Variants in COL23A1 observed in about 807,000 individuals in gnomAD.
The protein encoded by COL23A1 is collagen alpha-1(XXIII) chain.
In COL23A1, 97 loss-of-function variants were observed where a neutral mutation model predicts 99.3. The observed-to-expected ratio is 0.98, with a 90% CI of 0.83 to 1.16. The LOEUF (loss-of-function observed/expected upper bound fraction) is 1.16. Among genes scored for constraint, COL23A1 ranks in the 50% most tolerant of loss-of-function variants. The pLI is 0.00. For missense variants in COL23A1, 762 were observed against 757.4 expected, an observed-to-expected ratio of 1.01 and a Z score of -0.07; for synonymous variants, 320 against 308.2, an observed-to-expected ratio of 1.04 and a Z score of -0.40.
chr5:178,400,372 A>AG (rs1451836888), intron 2 of COL23A1, among the ~76,000 whole-genome samples: 2 of 151,032 alleles, frequency 1.3e-5, no homozygotes, highest in African/African-American at 4.9e-5. Flanking sequence ...GTCTCAAAAA[A>AG]AAAAAAAAAA....
chr5:178,412,334 T>C (rs1274465393), intron 2 of COL23A1, among the ~76,000 whole-genome samples: 1 of 152,226 alleles, frequency 6.6e-6, no homozygotes, highest in East Asian at 1.9e-4. Context: ...CTGTTAATTG[T>C]GGCTACTTTC....
intron 2 of COL23A1, among the ~76,000 whole-genome samples, chr5:178,445,453 T>C (rs1357546400): frequency 6.6e-6 from 1 of 152,198 alleles, no homozygotes; most frequent in Non-Finnish European, 1.5e-5. Flanking sequence ...CATTTGTACA[T>C]GTTTATTCTC....
intron 7 of COL23A1, 28 bp downstream of exon 7, chr5:178,268,702 C>G: frequency 6.3e-7 from 1 of 1,597,986 alleles, no homozygotes; most frequent in Non-Finnish European, 8.6e-7. Context: ...CTGCCTACCA[C>G]ATCTGCACAG....
intron 2 of COL23A1, among the ~76,000 whole-genome samples, chr5:178,311,767 G>C (rs1179494908): frequency 6.9e-6 from 1 of 144,950 alleles, no homozygotes; most frequent in African/African-American, 2.6e-5. Flanking sequence ...GTCTCACTCT[G>C]TTGCCCAGGC....
At chr5:178,587,089 G>A (rs1272027350) in intron 1 of COL23A1, among the ~76,000 whole-genome samples, 1 of 152,168 alleles carries the variant, frequency 6.6e-6, no homozygotes, top group Non-Finnish European at 1.5e-5. Context: ...TGAAAGCCAT[G>A]TATTCTAAAG....
intron 14 of COL23A1, 52 bp downstream of exon 14, chr5:178,256,814 T>A: frequency 1.3e-6 from 2 of 1,553,864 alleles, no homozygotes; most frequent in Non-Finnish European, 1.8e-6. Context: ...CCCGACTGGG[T>A]GGAGGTCTGA....
At chr5:178,261,993 T>A (rs555143708) in intron 10 of COL23A1, among the ~76,000 whole-genome samples, 1 of 152,338 alleles carries the variant, frequency 6.6e-6, no homozygotes, top group East Asian at 1.9e-4. Context: ...GTGGAGCTAC[T>A]GGAATCCCCC....
At chr5:178,374,444 C>T (rs897618394) in intron 2 of COL23A1, among the ~76,000 whole-genome samples, 1 of 152,190 alleles carries the variant, frequency 6.6e-6, no homozygotes, top group African/African-American at 2.4e-5. Flanking sequence ...CGTGGCTGTG[C>T]CCCCCACGCC....
intron 2 of COL23A1, among the ~76,000 whole-genome samples, chr5:178,539,909 A>G (rs1761197422): frequency 6.6e-6 from 1 of 152,238 alleles, no homozygotes; most frequent in African/African-American, 2.4e-5. Context: ...AAAATAATAT[A>G]TCCCATCCAA....
intron 1 of COL23A1, among the ~76,000 whole-genome samples, chr5:178,565,151 C>G (rs369690562): frequency 6.6e-6 from 1 of 152,202 alleles, no homozygotes; most frequent in Non-Finnish European, 1.5e-5. Context: ...CATGGGGGAA[C>G]AGCAACTAAC....
At chr5:178,518,042 G>A (rs1759657008) in intron 2 of COL23A1, among the ~76,000 whole-genome samples, 1 of 129,394 alleles carries the variant, frequency 7.7e-6, no homozygotes, top group Admixed American at 7.4e-5. Context: ...AGGACCCTGC[G>A]GCCTTCCGCA....
At chr5:178,510,472 C>T (rs183203764) in intron 2 of COL23A1, among the ~76,000 whole-genome samples, 3 of 152,204 alleles carry the variant, frequency 2.0e-5, no homozygotes, top group East Asian at 1.9e-4. Flanking sequence ...AACCAGGAGG[C>T]GGAGGTTGCA....
At chr5:178,414,376 G>A (rs1206754139) in intron 2 of COL23A1, among the ~76,000 whole-genome samples, 2 of 151,620 alleles carry the variant, frequency 1.3e-5, no homozygotes, top group East Asian at 3.9e-4. Context: ...GGAGAGTGCC[G>A]TGGCTCTGGC....
intron 2 of COL23A1, among the ~76,000 whole-genome samples, chr5:178,363,654 G>A (rs760073317): frequency 1.3e-5 from 2 of 152,086 alleles, no homozygotes; most frequent in African/African-American, 2.4e-5. Flanking sequence ...CCACAGGAGC[G>A]CCCCGTCACT....
chr5:178,288,620 G>A (rs1561829285), intron 4 of COL23A1: 10 of 583,950 alleles, frequency 1.7e-5, no homozygotes, highest in East Asian at 2.9e-5. Context: ...ACGCTGGCCA[G>A]GCATAGGGTA....
At chr5:178,467,138 G>A (rs1220348222) in intron 2 of COL23A1, among the ~76,000 whole-genome samples, 2 of 152,218 alleles carry the variant, frequency 1.3e-5, no homozygotes, top group Non-Finnish European at 2.9e-5. Context: ...CTGAGCTGGG[G>A]TCCTTCTTTT....
chr5:178,362,720 A>G (rs1287888666), intron 2 of COL23A1, among the ~76,000 whole-genome samples: 1 of 152,186 alleles, frequency 6.6e-6, no homozygotes, highest in Admixed American at 6.5e-5. Flanking sequence ...TGCAGCTGCA[A>G]GAAAGGAGTA....
intron 2 of COL23A1, among the ~76,000 whole-genome samples, chr5:178,372,048 CAG>C (rs1401957130): frequency 1.3e-5 from 2 of 152,232 alleles, no homozygotes; most frequent in Non-Finnish European, 2.9e-5. Flanking sequence ...GTCTGGTCTG[CAG>C]AGTGTTTTAA....
intron 2 of COL23A1, among the ~76,000 whole-genome samples, chr5:178,348,660 G>A (rs1471939295): frequency 1.3e-5 from 2 of 152,174 alleles, no homozygotes; most frequent in Admixed American, 1.3e-4. Flanking sequence ...CCTCAGGAGG[G>A]GAAAGGGGTC....
Sources: allele counts gnomAD v4.1 joint callset (sites outside exome capture counted in the v4.1 genomes callset), GRCh38; gene constraint gnomAD v4.1.1; transcripts MANE v1.5; gene names NCBI Gene and HGNC (gene_info 2026-07-23, HGNC 2026-07-21).